The following CHD1 variants were observed in gnomAD, a reference collection of about 807,000 sequenced individuals.
The protein encoded by CHD1 is ATP-dependent chromatin remodeler CHD1.
A neutral mutation model predicts 224.2 loss-of-function variants in CHD1; 36 were observed. That is an observed-to-expected ratio of 0.16 (90% CI 0.12 to 0.21). The LOEUF is 0.21. Among genes scored for constraint, CHD1 ranks in the 10% least tolerant of loss-of-function variants. The pLI is 1.00. For synonymous variants in CHD1, 668 were observed against 658.3 expected, an observed-to-expected ratio of 1.01 and a Z score of -0.23; for missense variants, 1,378 against 1,994.8, an observed-to-expected ratio of 0.69 and a Z score of 5.89.
At chr5:98,879,867 C>G in intron 22 of CHD1, 139 bp from the exon 23 acceptor site, 1 of 567,114 alleles carries the variant, frequency 1.8e-6, no homozygotes, top group South Asian at 2.4e-5. Flanking sequence ...TTCTAAACAA[C>G]CTAGATTCAT....
intron 34 of CHD1, 39 bp downstream of exon 34, chr5:98,858,922 ATTT>A (rs750505760): frequency 5.0e-6 from 7 of 1,399,870 alleles, no homozygotes; most frequent in African/African-American, 1.5e-5. Flanking sequence ...TTTAAAAAAA[ATTT>A]TTTTTAATTT....
Position 98,881,185 on chromosome 5 carries a change from G to C in CHD1, c.2965-14C>G, listed in dbSNP as rs1458566576. 1 of 1,522,482 alleles carries C rather than the reference G, an allele frequency of 6.6e-7. No individual in the cohort carries two copies. Among genetic ancestry groups the C allele is most frequent in the East Asian group, 2.4e-5 (1 of 42,202 alleles). The allele number at this position is 1,522,482 out of a possible 1,614,324, so 94.3% of individuals were successfully genotyped here. ...TATATCCATTTCCTATAATTAAAAAGACAATATTTAAATATACTTGAATCC... is the reference window on the plus strand; with the variant it reads ...TATATCCATTTCCTATAATTAAAAACACAATATTTAAATATACTTGAATCC... On this transcript the variant is annotated splice_polypyrimidine_tract_variant and intron_variant, in intron 21 of 35. Transcript: ENST00000614616.
chr5:98,868,598 T>G lies in CHD1; in HGVS notation c.4145A>C (p.Lys1382Thr). ...TGGAGCATCTGACACTGAAGATTTC[T>G]TGGATCTTTCCCTACCATCAGACTT... ...ESKSDGRERS[K>T]KSSVSDAPVH... is the part of the protein sequence containing the mutation. Residue 1382 changes from lysine (K) to threonine (T), a missense_variant, in exon 31 of 36, where the codon AAG becomes ACG. Lys to Thr is a moderately conservative substitution (Grantham distance 78). Transcript: ENST00000614616. The G allele has an allele frequency of 6.2e-7, 1 of 1,606,982 alleles. No homozygotes were observed.
chr5:98,923,208 G>C (rs1186629158), intron 2 of CHD1, among the ~76,000 whole-genome samples: 1 of 151,964 alleles, frequency 6.6e-6, no homozygotes, highest in Non-Finnish European at 1.5e-5. Flanking sequence ...CGGTAAGAAA[G>C]AAAATGAAGG....
At chr5:98,904,660 C>T (rs1309484285) in intron 3 of CHD1, among the ~76,000 whole-genome samples, 3 of 152,094 alleles carry the variant, frequency 2.0e-5, no homozygotes, top group African/African-American at 4.8e-5. Context: ...AGGCAGAAAA[C>T]GTTTTATTTG....
At chr5:98,899,784 A>G in intron 7 of CHD1, 79 bp from the exon 8 acceptor site, 3 of 947,050 alleles carry the variant, frequency 3.2e-6, no homozygotes, top group Admixed American at 4.3e-5. Flanking sequence ...TTTCAATAAT[A>G]TGAGTACAAA....
intron 23 of CHD1, among the ~76,000 whole-genome samples, 186 bp downstream of exon 23, chr5:98,879,366 G>C (rs570909195): frequency 2.6e-5 from 4 of 152,162 alleles, no homozygotes; most frequent in African/African-American, 7.2e-5. Context: ...CCAGGAGCAG[G>C]TTCTTTGAAA....
At position 98,926,348 on chromosome 5, in the gene CHD1, A is replaced by G. The variant is rs752707076; in HGVS notation, c.39T>C (p.Ser13=). Residue 13 remains serine (S), a synonymous_variant, in exon 2 of 36, where the codon AGT becomes AGC. Coordinates refer to ENST00000614616, the MANE Select transcript of CHD1 (RefSeq NM_001270.4). ...TGCTTACTTACCTTGATTCTCCACTACTGTTTCTAACACTTTCTTCATCAC... is the reference window on the plus strand; with the variant it reads ...TGCTTACTTACCTTGATTCTCCACTGCTGTTTCTAACACTTTCTTCATCAC... ...GHSDEESVRN[S]SGESSQSDDD... The G allele has an allele frequency of 2.0e-6, 3 of 1,529,182 alleles. No individual in the cohort carries two copies. The highest frequency in any genetic ancestry group is 4.9e-5 in the East Asian group (2 of 40,992). 94.7% of individuals were successfully genotyped at this position (1,529,182 alleles called of 1,614,324 possible).
chr5:98,892,542 T>C lies in CHD1; in HGVS notation c.2163A>G (p.Leu721=). The change falls in exon 15 of 36, where the codon TTA becomes TTG. Residue 721 remains leucine, a synonymous_variant. Transcript: ENST00000614616. ...EQILRMEMSA[L]QKQYYKWILT... The stretch of plus-strand genomic sequence containing the variant: ...CAGCTTACTTGTAATATTGTTTCTG[T>C]AAAGCACTCATTTCCATTCTTAAAA... 1 of 1,613,254 alleles carries C rather than the reference T, an allele frequency of 6.2e-7. No individual in the cohort carries two copies. The highest frequency in any genetic ancestry group is 8.5e-7 in the Non-Finnish European group (1 of 1,179,436).
intron 26 of CHD1, 126 bp from the exon 27 acceptor site, chr5:98,872,681 G>T: frequency 1.2e-6 from 1 of 813,056 alleles, no homozygotes. Flanking sequence ...ATTATTAAGA[G>T]ATTACTGGAA....
rs779019723 is a variant in CHD1 at position 98,876,403 on chromosome 5, A to G, written c.3393T>C (p.Ile1131=). ...ATTGTCTTATAACACCTTACCGCCT[A>G]ATTTCTGCATCACTAAATCCTTTAA... ...ENIKGFSDAE[I]RRFIKSYKKF... The change falls in exon 24 of 36, where the codon ATT becomes ATC. Residue 1131 remains isoleucine (I), a synonymous_variant. Transcript: ENST00000614616. 1 of 1,613,658 alleles carries G rather than the reference A, an allele frequency of 6.2e-7. No individual in the cohort carries two copies. Among genetic ancestry groups the G allele is most frequent in the African/African-American group, 1.3e-5 (1 of 74,936 alleles).
At chr5:98,919,116 T>C (rs1325963912) in intron 2 of CHD1, among the ~76,000 whole-genome samples, 2 of 152,350 alleles carry the variant, frequency 1.3e-5, no homozygotes, top group Non-Finnish European at 2.9e-5. Context: ...TACATGCATA[T>C]GAATTTAACA....
In CHD1 at chr5:98,858,302, A is replaced by G; in HGVS notation, c.4665T>C (p.Asp1555=). ...SSDRHLTQYH[D]HHKDRHQGDS... ...CTCCCTGATGTCGGTCTTTATGATG[A>G]TCATGGTACTGAGTTAAGTGTCTAT... is the stretch of plus-strand genomic sequence containing the variant. Residue 1555 remains aspartate, a synonymous_variant, in exon 35 of 36, where the codon GAT becomes GAC. Transcript: ENST00000614616. 1 of 1,613,214 alleles carries G rather than the reference A, an allele frequency of 6.2e-7. No homozygotes were observed. Among genetic ancestry groups the G allele is most frequent in the Non-Finnish European group, 8.5e-7 (1 of 1,179,274 alleles).
rs574112915 is a variant in CHD1 at position 98,856,931 on chromosome 5, C to T, written c.4788-206G>A. ...AACTATTTGATTCATAAAACTAAAG[C>T]GAACCATACAAAACCCCTAAAATAG... On this transcript the variant is annotated intron_variant, in intron 35 of 35. Coordinates refer to ENST00000614616, the MANE Select transcript of CHD1 (RefSeq NM_001270.4). Among the ~76,000 whole-genome samples, 6 of 152,128 alleles carry T rather than the reference C, an allele frequency of 3.9e-5. 1 individual carries two copies. The highest frequency in any genetic ancestry group is 1.9e-4 in the East Asian group (1 of 5,184).
At chr5:98,899,219 A>G (rs1751532930) in intron 8 of CHD1, among the ~76,000 whole-genome samples, 1 of 152,122 alleles carries the variant, frequency 6.6e-6, no homozygotes, top group Non-Finnish European at 1.5e-5. Context: ...TACATTTACA[A>G]CGTAAATGCA....
intron 24 of CHD1, among the ~76,000 whole-genome samples, chr5:98,876,134 A>G (rs1344077400): frequency 6.6e-6 from 1 of 152,200 alleles, no homozygotes; most frequent in African/African-American, 2.4e-5. Flanking sequence ...ATTCGAAAGG[A>G]TCACTATTGA....
At position 98,858,309 on chromosome 5, in the gene CHD1, T is replaced by C; in HGVS notation, c.4658A>G (p.Tyr1553Cys). 2 of 1,613,152 alleles carry C rather than the reference T, an allele frequency of 1.2e-6. No homozygotes were observed. Among genetic ancestry groups the C allele is most frequent in the Non-Finnish European group, 1.7e-6 (2 of 1,179,210 alleles). Residue 1553 changes from tyrosine to cysteine, a missense_variant, in exon 35 of 36, where the codon TAC becomes TGC. Tyr to Cys is a radical substitution (Grantham distance 194). This residue lies in a region of CHD1 where 278 missense variants were observed against 298.5 expected (regional missense o/e 0.93). Transcript: ENST00000614616. ...SYSSDRHLTQ[Y>C]HDHHKDRHQG... ...ATGTCGGTCTTTATGATGATCATGGTACTGAGTTAAGTGTCTATCAGAGGA... is the reference window on the plus strand; with the variant it reads ...ATGTCGGTCTTTATGATGATCATGGCACTGAGTTAAGTGTCTATCAGAGGA...
In CHD1 at chr5:98,900,926, C is replaced by T. The variant is rs1751659914; in HGVS notation, c.744G>A (p.Met248Ile). The change falls in exon 7 of 36, where the codon ATG (methionine) becomes ATA (isoleucine). Residue 248 changes from methionine to isoleucine, a missense_variant. Coordinates refer to ENST00000614616, the MANE Select transcript of CHD1 (RefSeq NM_001270.4). ...VNVSYKEDEEMKTDSDDLLEV... is the reference protein window; with the variant it reads ...VNVSYKEDEEIKTDSDDLLEV... ...CCAGTAGGTCATCAGAATCTGTTTT[C>T]ATTTCTTCATCCTCCTTATAGCTAA... The T allele has an allele frequency of 6.2e-7, 1 of 1,613,962 alleles. No homozygotes were observed. Among genetic ancestry groups the T allele is most frequent in the African/African-American group, 1.3e-5 (1 of 74,900 alleles).
chr5:98,873,252 T>A (rs1749496010), intron 26 of CHD1, among the ~76,000 whole-genome samples: 1 of 152,170 alleles, frequency 6.6e-6, no homozygotes, highest in African/African-American at 2.4e-5. Context: ...ATTTTCCCAG[T>A]CATCTATACT....
Sources: gnomAD v4.1 joint callset for allele counts (sites outside exome capture counted in the v4.1 genomes callset) on GRCh38, gnomAD v4.1.1 for gene constraint, gnomAD v4.1.1 regional missense constraint, MANE v1.5 for transcripts, NCBI Gene and HGNC (gene_info 2026-07-23, HGNC 2026-07-21) for gene names.